Variants in TCF4 observed in about 807,000 individuals in gnomAD.
TCF4 encodes transcription factor 4.
In TCF4, 3 loss-of-function variants were observed where a neutral mutation model predicts 82.1. The observed-to-expected ratio is 0.04, with a 90% CI of 0.02 to 0.09. The LOEUF (loss-of-function observed/expected upper bound fraction) is 0.09, where lower values mean the gene tolerates loss of function less well. Ranked by LOEUF, TCF4 falls within the 10% of genes least tolerant of loss-of-function variation. The probability of loss-of-function intolerance (pLI) is 1.00; values close to 1 mark genes in which losing one functional copy is unlikely to be tolerated. For missense variants in TCF4, 518 were observed against 852.7 expected, an observed-to-expected ratio of 0.61 and a Z score of 4.89; for synonymous variants, 276 against 309.6, an observed-to-expected ratio of 0.89 and a Z score of 1.14.
chr18:55,325,317 A>T (rs1186059059), intron 8 of TCF4, among the ~76,000 whole-genome samples: 1 of 152,236 alleles, frequency 6.6e-6, no homozygotes, highest in Non-Finnish European at 1.5e-5. Flanking sequence ...ACTAAAGAAT[A>T]ATGCTTTAAT....
At chr18:55,375,495 C>G (rs1221194362) in intron 6 of TCF4, among the ~76,000 whole-genome samples, 16 of 152,056 alleles carry the variant, frequency 1.1e-4, no homozygotes, top group Non-Finnish European at 2.4e-4. Context: ...CGAAGCTGAC[C>G]TGTATTCCAC....
At chr18:55,262,897 T>G (rs1600623964) in intron 11 of TCF4, among the ~76,000 whole-genome samples, 1 of 151,980 alleles carries the variant, frequency 6.6e-6, no homozygotes, top group Non-Finnish European at 1.5e-5. Flanking sequence ...ACCTCTGCCT[T>G]CCGGGTTCAA....
chr18:55,465,499 C>T (rs539099536), intron 3 of TCF4, among the ~76,000 whole-genome samples: 5 of 151,872 alleles, frequency 3.3e-5, no homozygotes, highest in South Asian at 4.2e-4. Context: ...AACAGATGTC[C>T]CCTATGGACA....
intron 3 of TCF4, among the ~76,000 whole-genome samples, chr18:55,560,693 AG>A (rs2097347586): frequency 6.6e-6 from 1 of 152,204 alleles, no homozygotes; most frequent in African/African-American, 2.4e-5. Flanking sequence ...ATATACTCCC[AG>A]GCTCTTAAGT....
At chr18:55,433,524 G>A (rs1390739164) in intron 5 of TCF4, among the ~76,000 whole-genome samples, 4 of 152,204 alleles carry the variant, frequency 2.6e-5, no homozygotes, top group Admixed American at 2.0e-4. Context: ...GGACAAGTAA[G>A]CTTTATATTT....
chr18:55,388,368 G>A (rs1423950877), intron 6 of TCF4, among the ~76,000 whole-genome samples: 2 of 152,172 alleles, frequency 1.3e-5, no homozygotes, highest in Non-Finnish European at 2.9e-5. Flanking sequence ...CACAACCAGA[G>A]AGTAGAGGTA....
intron 6 of TCF4, chr18:55,400,853 C>A (rs899943745): frequency 2.7e-6 from 2 of 740,262 alleles, no homozygotes; most frequent in African/African-American, 3.7e-5. Context: ...ACTGCTCACC[C>A]CTTTAAGTCC....
intron 8 of TCF4, among the ~76,000 whole-genome samples, chr18:55,303,238 C>T (rs1429130766): frequency 6.9e-6 from 1 of 145,312 alleles, no homozygotes; most frequent in African/African-American, 2.7e-5. Context: ...CACACACACA[C>T]ACACACACAC....
At chr18:55,343,148 T>C (rs936041481) in intron 8 of TCF4, among the ~76,000 whole-genome samples, 2 of 152,114 alleles carry the variant, frequency 1.3e-5, no homozygotes, top group African/African-American at 4.8e-5. Flanking sequence ...GTTTTCATGA[T>C]TAAATGTACT....
At position 55,315,870 on chromosome 18, in the gene TCF4, CTT is replaced by C. The variant is rs1009269058; in HGVS notation, c.549+34487_549+34488del. Among the ~76,000 whole-genome samples the C allele has an allele frequency of 4.0e-5, 6 of 150,378 alleles. No individual in the cohort carries two copies. The South Asian group carries it at 1.1e-3, about 26-fold the overall frequency. ...CTTTTTCCTGGTATACAAACAACTG[CTT>C]TTTTTTTAGGACTATGATGATTTCC... is the stretch of plus-strand genomic sequence containing the variant. On this transcript the variant is annotated intron_variant, in intron 8 of 19. Coordinates refer to ENST00000354452, the MANE Select transcript of TCF4 (RefSeq NM_001083962.2).
chr18:55,262,888 C>A (rs910368094), intron 11 of TCF4, among the ~76,000 whole-genome samples: 1 of 152,110 alleles, frequency 6.6e-6, no homozygotes, highest in Non-Finnish European at 1.5e-5. Flanking sequence ...CTCACTGCAA[C>A]CTCTGCCTTC....
At chr18:55,569,438 G>C (rs540877628) in intron 3 of TCF4, among the ~76,000 whole-genome samples, 6 of 152,090 alleles carry the variant, frequency 3.9e-5, no homozygotes, top group Non-Finnish European at 8.8e-5. Context: ...CCAGCTACTT[G>C]GGAGGCTGAG....
chr18:55,474,382 G>A (rs1286308811), intron 3 of TCF4, among the ~76,000 whole-genome samples: 2 of 152,098 alleles, frequency 1.3e-5, no homozygotes, highest in Admixed American at 6.5e-5. Flanking sequence ...GTCAACTGTA[G>A]GCTGCTCTTA....
intron 3 of TCF4, among the ~76,000 whole-genome samples, chr18:55,494,602 A>T (rs1056028751): frequency 6.6e-6 from 1 of 152,110 alleles, no homozygotes; most frequent in African/African-American, 2.4e-5. Context: ...ATAAAGGACA[A>T]TAATACCCTG....
chr18:55,464,273 T>A lies in TCF4; in HGVS notation c.146-136A>T, dbSNP rs144919408. On this transcript the variant is annotated intron_variant, in intron 3 of 19. Coordinates refer to ENST00000354452, the MANE Select transcript of TCF4 (RefSeq NM_001083962.2). ...ACCAGGCACCGGGCTACCATGATGA[T>A]AGTGGCTTCTGACCCATCTACTTAA... 1.0e-3 allele frequency: 770 copies of A among 767,162 alleles called. 6 individuals carry two copies. In the African/African-American group the frequency reaches 0.012, roughly 12 times the overall value. 47.5% of individuals were successfully genotyped at this position (767,162 alleles called of 1,614,324 possible).
Position 55,356,162 on chromosome 18 carries a change from A to C in TCF4, c.370-5159T>G, listed in dbSNP as rs1341408279. Among the ~76,000 whole-genome samples, 3 of 152,208 alleles carry C rather than the reference A, an allele frequency of 2.0e-5. No individual in the cohort carries two copies. The East Asian group carries it at 5.8e-4, about 29-fold the overall frequency. ...CTCTTTCTTATGTCCCACACAAAAC[A>C]GTCCCATATTACAATCCACTGATTA... On this transcript the variant is annotated intron_variant, in intron 6 of 19. Transcript: ENST00000354452.
chr18:55,474,806 G>T (rs958886866), intron 3 of TCF4, among the ~76,000 whole-genome samples: 1 of 151,736 alleles, frequency 6.6e-6, no homozygotes, highest in Non-Finnish European at 1.5e-5. Flanking sequence ...ACAGGGTCTC[G>T]TTCTGTCACA....
chr18:55,481,579 T>G (rs1162623004), intron 3 of TCF4, among the ~76,000 whole-genome samples: 1 of 152,200 alleles, frequency 6.6e-6, no homozygotes, highest in East Asian at 1.9e-4. Context: ...TCTCAGTATA[T>G]CGAAAAGATA....
chr18:55,309,542 T>C (rs1342058524), intron 8 of TCF4, among the ~76,000 whole-genome samples: 1 of 152,184 alleles, frequency 6.6e-6, no homozygotes, highest in Non-Finnish European at 1.5e-5. Context: ...GCAGTAACGA[T>C]CAAATTAGAA....
Sources: gnomAD v4.1 joint callset for allele counts (sites outside exome capture counted in the v4.1 genomes callset) on GRCh38, gnomAD v4.1.1 for gene constraint, MANE v1.5 for transcripts, NCBI Gene and HGNC (gene_info 2026-07-23, HGNC 2026-07-21) for gene names.